SLC25A12: variants seen among roughly 807,000 people sequenced by gnomAD.
SLC25A12 encodes the protein solute carrier family 25 member 12, also known as electrogenic aspartate/glutamate antiporter SLC25A12, mitochondrial.
In SLC25A12, 32 loss-of-function variants were observed where a neutral mutation model predicts 83.3. That is an observed-to-expected ratio of 0.38 (90% CI 0.29 to 0.52). The LOEUF (loss-of-function observed/expected upper bound fraction) is 0.52, where lower values mean the gene tolerates loss of function less well. Ranked by LOEUF, SLC25A12 falls within the 20% of genes least tolerant of loss-of-function variation. SLC25A12 has a pLI of 0.84. For synonymous variants in SLC25A12, 267 were observed against 291.1 expected (o/e 0.92, Z 0.84); for missense variants, 611 against 835.6 (o/e 0.73, Z 3.31).
At chr2:171,822,460 T>C (rs1684213367) in intron 9 of SLC25A12, among the ~76,000 whole-genome samples, 2 of 152,208 alleles carry the variant, frequency 1.3e-5, no homozygotes, top group Non-Finnish European at 2.9e-5. Context: ...CACAGCTGAC[T>C]GCAGCCTCAA....
intron 13 of SLC25A12, among the ~76,000 whole-genome samples, chr2:171,806,104 T>C (rs57718990): frequency 2.0e-5 from 3 of 151,872 alleles, no homozygotes; most frequent in African/African-American, 7.3e-5. Context: ...CAGACTGAGA[T>C]CCTGTCTCAA....
chr2:171,865,851 AATT>A (rs1685280746), intron 3 of SLC25A12, among the ~76,000 whole-genome samples: 1 of 151,806 alleles, frequency 6.6e-6, no homozygotes, highest in Admixed American at 6.6e-5. Flanking sequence ...CCAAAAAAAA[AATT>A]TTTTTTAATT....
At chr2:171,843,651 T>A (rs1446980914) in intron 5 of SLC25A12, among the ~76,000 whole-genome samples, 4 of 151,614 alleles carry the variant, frequency 2.6e-5, no homozygotes, top group Admixed American at 1.3e-4. Flanking sequence ...TATAATAACT[T>A]CAGCCACCAA....
chr2:171,797,893 C>A (rs1422658773), intron 13 of SLC25A12, among the ~76,000 whole-genome samples: 1 of 152,112 alleles, frequency 6.6e-6, no homozygotes, highest in Non-Finnish European at 1.5e-5. Context: ...AGATAACATA[C>A]CACTCTATAT....
At chr2:171,839,883 G>A in intron 5 of SLC25A12, among the ~76,000 whole-genome samples, 1 of 152,134 alleles carries the variant, frequency 6.6e-6, no homozygotes, top group Non-Finnish European at 1.5e-5. Context: ...TTAAGAAGCA[G>A]TTAGTTACCC....
In SLC25A12 at chr2:171,811,915, T is replaced by C. The variant is rs3770454; in HGVS notation, c.1171+1424A>G. Among the ~76,000 whole-genome samples the C allele has an allele frequency of 4.6e-5, 7 of 152,140 alleles. 1 individual carries two copies. The highest frequency in any genetic ancestry group is 1.4e-4 in the African/African-American group (6 of 41,436). On this transcript the variant is annotated intron_variant, in intron 11 of 17. Transcript: ENST00000422440. ...AAGGTCATTATTCAACAAAGAAATA[T>C]TGGAGATATCAAGGAAAAAAACAAC...
At chr2:171,888,057 C>T (rs1001103938) in intron 2 of SLC25A12, among the ~76,000 whole-genome samples, 1 of 151,432 alleles carries the variant, frequency 6.6e-6, no homozygotes, top group Admixed American at 6.6e-5. Flanking sequence ...AACATAGATA[C>T]ATAAATAAGT....
chr2:171,822,561 G>GT (rs927140681), intron 9 of SLC25A12, among the ~76,000 whole-genome samples: 1 of 151,926 alleles, frequency 6.6e-6, no homozygotes, highest in Non-Finnish European at 1.5e-5. Context: ...TTTTTTGTAT[G>GT]TTTTTTTAGA....
chr2:171,867,100 C>G (rs1348321274), intron 3 of SLC25A12, among the ~76,000 whole-genome samples: 1 of 151,706 alleles, frequency 6.6e-6, no homozygotes, highest in Non-Finnish European at 1.5e-5. Context: ...ACGCTCCTCA[C>G]TTCCTAGATG....
intron 2 of SLC25A12, among the ~76,000 whole-genome samples, chr2:171,877,436 G>C (rs1369419956): frequency 1.3e-5 from 2 of 152,062 alleles, no homozygotes; most frequent in South Asian, 2.1e-4. Flanking sequence ...GGAGGCCGAG[G>C]CGGGTGGATC....
intron 3 of SLC25A12, among the ~76,000 whole-genome samples, chr2:171,860,837 T>G (rs914107930): frequency 6.6e-6 from 1 of 152,086 alleles, no homozygotes; most frequent in Non-Finnish European, 1.5e-5. Flanking sequence ...ATCCCAGCAC[T>G]TGGGAAGGCC....
At chr2:171,800,091 T>C (rs1173557291) in intron 13 of SLC25A12, among the ~76,000 whole-genome samples, 1 of 152,190 alleles carries the variant, frequency 6.6e-6, no homozygotes, top group Non-Finnish European at 1.5e-5. Flanking sequence ...TATTTAAATT[T>C]ATTCTCCCTT....
chr2:171,821,290 T>G (rs1684186879), intron 9 of SLC25A12, among the ~76,000 whole-genome samples: 1 of 152,096 alleles, frequency 6.6e-6, no homozygotes, highest in Non-Finnish European at 1.5e-5. Flanking sequence ...GTGCTGGGAT[T>G]ACAGGTGTGA....
intron 9 of SLC25A12, among the ~76,000 whole-genome samples, chr2:171,822,666 C>A (rs1212230350): frequency 6.6e-6 from 1 of 152,138 alleles, no homozygotes; most frequent in Non-Finnish European, 1.5e-5. Context: ...GAATTACAGG[C>A]ACAAGCCACT....
chr2:171,868,580 C>G (rs1044618713), intron 3 of SLC25A12, 101 bp downstream of exon 3: 127 of 1,213,224 alleles, frequency 1.0e-4, no homozygotes, highest in Non-Finnish European at 1.5e-4. Context: ...TTCCAAAGCG[C>G]TGGGATTACA....
In SLC25A12 at chr2:171,844,386, A is replaced by G; in HGVS notation, c.448T>C (p.Phe150Leu). ...NRKKHLNYTE[F>L]TQFLQELQLE... ...AAGCTCACCTGGAGAAACTGCGTGA[A>G]TTCTGTGTAGTTAAGATGCTTCTTC... Residue 150 changes from phenylalanine (F) to leucine (L), a missense_variant, in exon 5 of 18, where the codon TTC becomes CTC. This residue lies in a region of SLC25A12 where 540 missense variants were observed against 777.5 expected (regional missense o/e 0.69). Transcript: ENST00000422440. The G allele has an allele frequency of 6.2e-7, 1 of 1,614,062 alleles. No homozygotes were observed. The highest frequency in any genetic ancestry group is 8.5e-7 in the Non-Finnish European group (1 of 1,179,966).
At position 171,840,385 on chromosome 2, in the gene SLC25A12, C is replaced by CA. The variant is rs1355127872; in HGVS notation, c.466-3119dup. ...TGGGGGACAAGGTAAGACCCTGACTCAAAAAAAAAAGAGAAAAAGAAAAAC... is the reference window on the plus strand; with the variant it reads ...TGGGGGACAAGGTAAGACCCTGACTCAAAAAAAAAAAGAGAAAAAGAAAAAC... On this transcript the variant is annotated intron_variant, in intron 5 of 17. Transcript: ENST00000422440. Among the ~76,000 whole-genome samples the CA allele has an allele frequency of 4.4e-4, 61 of 137,768 alleles. 1 individual carries two copies. Among genetic ancestry groups the CA allele is most frequent in the Middle Eastern group, 7.2e-3 (2 of 276 alleles). 90.4% of individuals were successfully genotyped at this position (137,768 alleles called of 152,430 possible).
intron 2 of SLC25A12, among the ~76,000 whole-genome samples, chr2:171,872,864 T>C (rs1480461442): frequency 2.6e-5 from 4 of 151,066 alleles, no homozygotes; most frequent in South Asian, 2.1e-4. Context: ...ATACCCCCCC[T>C]TTTTTTTTCT....
At chr2:171,813,679 T>C (rs1683991991) in intron 10 of SLC25A12, among the ~76,000 whole-genome samples, 182 bp from the exon 11 acceptor site, 1 of 152,210 alleles carries the variant, frequency 6.6e-6, no homozygotes, top group African/African-American at 2.4e-5. Context: ...TAGCAAGCAC[T>C]GAAATCCATA....
Sources: allele counts gnomAD v4.1 joint callset (sites outside exome capture counted in the v4.1 genomes callset), GRCh38; gene constraint gnomAD v4.1.1; regional missense constraint gnomAD v4.1.1; transcripts MANE v1.5; gene names NCBI Gene and HGNC (gene_info 2026-07-23, HGNC 2026-07-21).